PRMT8: variants seen among roughly 807,000 people sequenced by gnomAD.
PRMT8 encodes protein arginine methyltransferase 8.
In PRMT8, 7 loss-of-function variants were observed where a neutral mutation model predicts 47.1. The ratio of observed to expected loss-of-function variants is 0.15; its 90% confidence interval spans 0.08 to 0.28. The LOEUF is 0.28. PRMT8 is among the 10% of genes least tolerant of loss of function. PRMT8 has a pLI of 1.00. For synonymous variants in PRMT8, 188 were observed against 186.5 expected, an observed-to-expected ratio of 1.01 and a Z score of -0.07; for missense variants, 237 against 505.4, an observed-to-expected ratio of 0.47 and a Z score of 5.09.
intron 1 of PRMT8, among the ~76,000 whole-genome samples, chr12:3,522,466 C>T (rs760086245): frequency 2.6e-5 from 4 of 152,020 alleles, no homozygotes; most frequent in Non-Finnish European, 5.9e-5. Context: ...GAGTTCGAGA[C>T]CAGCCTGGCC....
rs1055430541 is a variant in PRMT8, at chr12:3,572,206, C to G, written c.712+2642C>G. On this transcript the variant is annotated intron_variant, in intron 6 of 9. Transcript: ENST00000382622. The surrounding 1 kb of genome is among the most constrained non-coding windows in gnomAD (Gnocchi z 5.9). ...ACCACATAGAGACAGAGATAAATAT[C>G]TGGCATATACTAGGCTCACAATACA... Among the ~76,000 whole-genome samples, 2 of 152,110 alleles carry G rather than the reference C, an allele frequency of 1.3e-5. No homozygotes were observed. The highest frequency in any genetic ancestry group is 2.4e-5 in the African/African-American group (1 of 41,400).
Position 3,492,929 on chromosome 12 carries a change from C to T in PRMT8, c.75+1229C>T, listed in dbSNP as rs1416654310. Among the ~76,000 whole-genome samples, 2 of 151,868 alleles carry T rather than the reference C, an allele frequency of 1.3e-5. No homozygotes were observed. Among genetic ancestry groups the T allele is most frequent in the African/African-American group, 4.8e-5 (2 of 41,338 alleles). On this transcript the variant is annotated intron_variant, in intron 1 of 9. Transcript: ENST00000382622. The surrounding 1 kb of genome is among the most constrained non-coding windows in gnomAD (Gnocchi z 7.5). ...GGGGGGCGGGGATGGGGGTGTGGCGCGGGGATTGTCCCTCTGTCTTGCCGG... is the reference window on the plus strand; with the variant it reads ...GGGGGGCGGGGATGGGGGTGTGGCGTGGGGATTGTCCCTCTGTCTTGCCGG...
At chr12:3,581,579 A>G (rs1414837522) in intron 7 of PRMT8, among the ~76,000 whole-genome samples, 1 of 152,192 alleles carries the variant, frequency 6.6e-6, no homozygotes, top group African/African-American at 2.4e-5. Flanking sequence ...ATCCCATCAA[A>G]TTCTGCATGC....
At chr12:3,527,278 A>G (rs770324344) in intron 1 of PRMT8, among the ~76,000 whole-genome samples, 1 of 152,094 alleles carries the variant, frequency 6.6e-6, no homozygotes, top group Non-Finnish European at 1.5e-5. Context: ...TGAACCATAT[A>G]TGTACTATTT....
chr12:3,489,597 A>G (rs893478981), upstream of PRMT8, among the ~76,000 whole-genome samples: 2 of 152,140 alleles, frequency 1.3e-5, no homozygotes, highest in African/African-American at 4.8e-5. Flanking sequence ...GTCTCTGAGA[A>G]GATGCCTAGA....
intron 1 of PRMT8, among the ~76,000 whole-genome samples, chr12:3,430,366 T>G (rs1864662418): frequency 6.6e-6 from 1 of 152,180 alleles, no homozygotes; most frequent in Admixed American, 6.5e-5. Flanking sequence ...TGCCTTTAGT[T>G]TTTACTTCTT....
intron 1 of PRMT8, among the ~76,000 whole-genome samples, chr12:3,387,267 G>A (rs1002996941): frequency 5.9e-5 from 9 of 152,222 alleles, no homozygotes; most frequent in African/African-American, 2.2e-4. Context: ...ATCAGCGGAT[G>A]AAAGAGGATG....
At position 3,568,848 on chromosome 12, in the gene PRMT8, G is replaced by A; in HGVS notation, c.624G>A (p.Leu208=). 1.2e-6 allele frequency: 2 copies of A among 1,614,136 alleles called. No individual in the cohort carries two copies. Among genetic ancestry groups the A allele is most frequent in the South Asian group, 1.1e-5 (1 of 91,066 alleles). The change falls in exon 5 of 10, where the codon CTG becomes CTA. Residue 208 remains leucine (L), a splice_region_variant and synonymous_variant. Transcript: ENST00000382622. ...TGATCTTTGCCAGGGACAAGTGGCT[G>A]GTAAGTGTCCTGCATGCTGTCCCCG... ...NTVIFARDKW[L]KPGGLMFPDR...
rs1163302821 is a variant in PRMT8 at position 3,453,096 on chromosome 12, A to T, written c.48+71654A>T. ...ATGAAATGAGGGATGCACAGAGGAC[A>T]CTGCACGGGGAATCAGGTAGGCTGG... On this transcript the variant is annotated intron_variant, in intron 1 of 9. Transcript: ENST00000452611. The surrounding 1 kb of genome is among the most constrained non-coding windows in gnomAD (Gnocchi z 4.9). Among the ~76,000 whole-genome samples the T allele has an allele frequency of 6.6e-6, 1 of 152,286 alleles. No individual in the cohort carries two copies. Among genetic ancestry groups the T allele is most frequent in the East Asian group, 1.9e-4 (1 of 5,174 alleles).
chr12:3,459,649 A>T (rs1198970489), intron 1 of PRMT8, among the ~76,000 whole-genome samples: 1 of 152,206 alleles, frequency 6.6e-6, no homozygotes, highest in Non-Finnish European at 1.5e-5. Context: ...TCTAAAGCGG[A>T]ACAGAGGGCT....
chr12:3,527,405 A>G (rs2137148918), intron 1 of PRMT8, among the ~76,000 whole-genome samples: 1 of 152,262 alleles, frequency 6.6e-6, no homozygotes, highest in South Asian at 2.1e-4. Context: ...GTGGAAAGTG[A>G]GATGATGCAA....
At chr12:3,486,917 C>T (rs1449696465), upstream of PRMT8, among the ~76,000 whole-genome samples, 1 of 152,216 alleles carries the variant, frequency 6.6e-6, no homozygotes, top group Admixed American at 6.5e-5. Flanking sequence ...AAAAATCCCA[C>T]CTCATATTGC....
chr12:3,522,078 A>G (rs1865887736), intron 1 of PRMT8, among the ~76,000 whole-genome samples: 1 of 152,164 alleles, frequency 6.6e-6, no homozygotes, highest in African/African-American at 2.4e-5. Context: ...TTAGAAACTA[A>G]AATGCCTTTG....
rs1865753667 is a variant in PRMT8, at chr12:3,514,215, T to G, written c.75+22515T>G. Among the ~76,000 whole-genome samples the G allele has an allele frequency of 6.6e-6, 1 of 151,838 alleles. No homozygotes were observed. Among genetic ancestry groups the G allele is most frequent in the African/African-American group, 2.4e-5 (1 of 41,366 alleles). ...GCCTCTCTGAATTCATCCTGCCTTTTTTTTTTTTTTCTGTTACCCCTAAGG... is the reference window on the plus strand; with the variant it reads ...GCCTCTCTGAATTCATCCTGCCTTTGTTTTTTTTTTCTGTTACCCCTAAGG... On this transcript the variant is annotated intron_variant, in intron 1 of 9. Coordinates refer to ENST00000382622, the MANE Select transcript of PRMT8 (RefSeq NM_019854.5). This position sits in a 1 kb window ranked among gnomAD's most constrained non-coding sequence, Gnocchi z 5.9.
At chr12:3,490,675 A>AGAGAGAGAGAG (rs1865374699), upstream of PRMT8, among the ~76,000 whole-genome samples, 8 of 121,084 alleles carry the variant, frequency 6.6e-5, no homozygotes, top group Admixed American at 2.7e-4. Flanking sequence ...TTTGGGTACA[A>AGAGAGAGAGAG]AGAGAGAGAG....
intron 7 of PRMT8, among the ~76,000 whole-genome samples, chr12:3,582,717 T>C (rs1432321716): frequency 6.6e-6 from 1 of 152,204 alleles, no homozygotes; most frequent in Middle Eastern, 3.2e-3. Flanking sequence ...GAGGCTGCTC[T>C]GACAGGTGAA....
chr12:3,418,061 C>T (rs1307129565), intron 1 of PRMT8, among the ~76,000 whole-genome samples: 1 of 152,234 alleles, frequency 6.6e-6, no homozygotes, highest in African/African-American at 2.4e-5. Flanking sequence ...ATACTTAGAA[C>T]AGCTCCTGTT....
intron 1 of PRMT8, among the ~76,000 whole-genome samples, chr12:3,391,211 A>G (rs184798256): frequency 1.6e-4 from 24 of 152,302 alleles, no homozygotes; most frequent in African/African-American, 5.8e-4. Flanking sequence ...AAGCAGATAA[A>G]AATGCCTCTG....
intron 1 of PRMT8, among the ~76,000 whole-genome samples, chr12:3,385,910 T>C (rs1318861845): frequency 1.7e-5 from 1 of 59,108 alleles, no homozygotes. Context: ...TGTCTACTTG[T>C]TCATCCGTCC....
Sources: allele counts gnomAD v4.1 joint callset (sites outside exome capture counted in the v4.1 genomes callset), GRCh38; gene constraint gnomAD v4.1.1; non-coding constraint Gnocchi (gnomAD v3.1); transcripts MANE v1.5; gene names NCBI Gene and HGNC (gene_info 2026-07-23, HGNC 2026-07-21).